Variants in PTPRO observed in about 807,000 individuals in gnomAD.
PTPRO encodes the protein protein tyrosine phosphatase receptor type O.
A neutral mutation model predicts 145.2 loss-of-function variants in PTPRO; 62 were observed. That is an observed-to-expected ratio of 0.43 (90% CI 0.35 to 0.53). The LOEUF is 0.53. PTPRO is among the 20% of genes least tolerant of loss of function. PTPRO has a pLI of 0.01. For missense variants in PTPRO, 1,345 were observed against 1,482.7 expected, an observed-to-expected ratio of 0.91 and a Z score of 1.53; for synonymous variants, 565 against 514.7, an observed-to-expected ratio of 1.10 and a Z score of -1.32.
intron 12 of PTPRO, among the ~76,000 whole-genome samples, chr12:15,544,250 C>T (rs76408450): frequency 6.6e-6 from 1 of 151,990 alleles, no homozygotes; most frequent in African/African-American, 2.4e-5. Flanking sequence ...ATAATCCCAG[C>T]TCCCAGCACT....
At chr12:15,482,431 C>T (rs1941798945) in intron 1 of PTPRO, among the ~76,000 whole-genome samples, 3 of 151,976 alleles carry the variant, frequency 2.0e-5, no homozygotes, top group Non-Finnish European at 4.4e-5. Context: ...GTATACCTAG[C>T]CAGGAGGAAT....
chr12:15,588,937 G>A (rs780834767), intron 24 of PTPRO, among the ~76,000 whole-genome samples: 3 of 152,180 alleles, frequency 2.0e-5, no homozygotes, highest in African/African-American at 4.8e-5. Flanking sequence ...AGTCAGAAAT[G>A]TGACATTAGA....
chr12:15,552,744 G>A (rs1591722719), intron 15 of PTPRO, among the ~76,000 whole-genome samples: 1 of 149,980 alleles, frequency 6.7e-6, no homozygotes, highest in East Asian at 2.0e-4. Context: ...ATGTGGGATT[G>A]CACTGTAACT....
chr12:15,489,893 G>A (rs1400190910), intron 2 of PTPRO, among the ~76,000 whole-genome samples: 1 of 152,122 alleles, frequency 6.6e-6, no homozygotes, highest in African/African-American at 2.4e-5. Flanking sequence ...ATGAAGAAAG[G>A]AAAGTGTTAC....
At chr12:15,337,066 T>A (rs1437342256) in intron 1 of PTPRO, among the ~76,000 whole-genome samples, 1 of 152,188 alleles carries the variant, frequency 6.6e-6, no homozygotes, top group Non-Finnish European at 1.5e-5. Context: ...CCTTTCCAGT[T>A]GTGGAGCTAA....
intron 1 of PTPRO, among the ~76,000 whole-genome samples, chr12:15,389,748 C>A (rs1204070062): frequency 1.3e-5 from 2 of 152,118 alleles, no homozygotes; most frequent in East Asian, 3.9e-4. Flanking sequence ...TTAATCTACC[C>A]AACGAATGTA....
rs536073729 is a variant in PTPRO, at chr12:15,515,937, A to T, written c.1585+319A>T. Among the ~76,000 whole-genome samples, 25 of 143,568 alleles carry T rather than the reference A, an allele frequency of 1.7e-4. No homozygotes were observed. The South Asian group carries it at 4.6e-3, about 27-fold the overall frequency. 94.2% of individuals were successfully genotyped at this position (143,568 alleles called of 152,430 possible). On this transcript the variant is annotated intron_variant, in intron 8 of 26. Transcript: ENST00000281171. ...GAGGCTGAGGTGGGAGGACTGCTTG[A>T]GCCCAGAAGTTGTTTGTTTTTTTTG...
At chr12:15,482,072 T>C (rs1941789602) in intron 1 of PTPRO, among the ~76,000 whole-genome samples, 1 of 152,062 alleles carries the variant, frequency 6.6e-6, no homozygotes, top group Non-Finnish European at 1.5e-5. Flanking sequence ...TCTATTGCAG[T>C]ACTCTTCACA....
chr12:15,455,990 G>C (rs1212674896), intron 1 of PTPRO, among the ~76,000 whole-genome samples: 2 of 152,122 alleles, frequency 1.3e-5, no homozygotes, highest in Non-Finnish European at 2.9e-5. Context: ...ATGTATCCCA[G>C]AACTTAAAAC....
intron 19 of PTPRO, among the ~76,000 whole-genome samples, chr12:15,574,010 C>T (rs926795765): frequency 1.3e-4 from 20 of 152,172 alleles, no homozygotes; most frequent in Admixed American, 1.2e-3. Context: ...TGTACTTGTT[C>T]TGTTTATATT....
chr12:15,472,615 G>T (rs1941567550), intron 1 of PTPRO, among the ~76,000 whole-genome samples: 1 of 152,174 alleles, frequency 6.6e-6, no homozygotes, highest in Non-Finnish European at 1.5e-5. Context: ...ACACCCATCT[G>T]CAGGAGCAGA....
At position 15,558,826 on chromosome 12, in the gene PTPRO, G is replaced by A. The variant is rs115870255; in HGVS notation, c.2627+1303G>A. Among the ~76,000 whole-genome samples the A allele has an allele frequency of 2.4e-3, 358 of 152,202 alleles. No individual in the cohort carries two copies. The Middle Eastern group carries it at 0.034, about 14-fold the overall frequency. On this transcript the variant is annotated intron_variant, in intron 16 of 26. Transcript: ENST00000281171. ...GATACTCACTCTAGTTGAAAATCTAGTTGAAACCAGATTTCTTTTAATAAG... is the reference window on the plus strand; with the variant it reads ...GATACTCACTCTAGTTGAAAATCTAATTGAAACCAGATTTCTTTTAATAAG...
chr12:15,412,744 T>A (rs1939833386), intron 1 of PTPRO, among the ~76,000 whole-genome samples: 1 of 152,264 alleles, frequency 6.6e-6, no homozygotes, highest in South Asian at 2.1e-4. Flanking sequence ...ATTTATTTTT[T>A]AAAACATTCC....
intron 1 of PTPRO, among the ~76,000 whole-genome samples, chr12:15,437,113 GTACAGAGAGGGTCTCT>G (rs923596724): frequency 2.0e-5 from 3 of 151,708 alleles, no homozygotes; most frequent in African/African-American, 4.8e-5. Flanking sequence ...GTATATGGTG[GTACAGAGAGGGTCTCT>G]GTGCTCCATG....
chr12:15,493,230 AT>A (rs1322459378), intron 2 of PTPRO, among the ~76,000 whole-genome samples: 1 of 152,144 alleles, frequency 6.6e-6, no homozygotes, highest in Non-Finnish European at 1.5e-5. Context: ...TCTACCTAGA[AT>A]TTTATACCCA....
intron 6 of PTPRO, among the ~76,000 whole-genome samples, chr12:15,507,152 C>T (rs1942336606): frequency 6.6e-6 from 1 of 152,052 alleles, no homozygotes; most frequent in South Asian, 2.1e-4. Flanking sequence ...GTGGCTCACA[C>T]CTATAACCCC....
chr12:15,535,848 A>G (rs1943055781), intron 12 of PTPRO, among the ~76,000 whole-genome samples: 1 of 152,140 alleles, frequency 6.6e-6, no homozygotes, highest in Non-Finnish European at 1.5e-5. Flanking sequence ...ACTCATACAA[A>G]CCTTTATAGA....
At chr12:15,474,795 C>T (rs1489928337) in intron 1 of PTPRO, among the ~76,000 whole-genome samples, 1 of 152,164 alleles carries the variant, frequency 6.6e-6, no homozygotes, top group Non-Finnish European at 1.5e-5. Flanking sequence ...GGATTACATG[C>T]CTGCAGCGTA....
chr12:15,464,228 A>G (rs1467329741), intron 1 of PTPRO, among the ~76,000 whole-genome samples: 1 of 152,196 alleles, frequency 6.6e-6, no homozygotes, highest in African/African-American at 2.4e-5. Flanking sequence ...ATTAACATGG[A>G]CTACAAGAAA....
Sources: gnomAD v4.1 joint callset for allele counts (sites outside exome capture counted in the v4.1 genomes callset) on GRCh38, gnomAD v4.1.1 for gene constraint, MANE v1.5 for transcripts, NCBI Gene and HGNC (gene_info 2026-07-23, HGNC 2026-07-21) for gene names.